Variants in PCDHA13 observed in about 807,000 individuals in gnomAD.
PCDHA13 encodes the protein protocadherin alpha 13.
PCDHA13 carries 54 observed loss-of-function variants against 64.8 expected under a neutral mutation model. The observed-to-expected ratio is 0.83, with a 90% CI of 0.67 to 1.04. PCDHA13 has a LOEUF of 1.04. Ranked by LOEUF, PCDHA13 falls within the 50% of genes least tolerant of loss-of-function variation. The pLI is 0.00. For missense variants in PCDHA13, 1,248 were observed against 1,254.3 expected, an observed-to-expected ratio of 0.99 and a Z score of 0.08; for synonymous variants, 587 against 564.4, an observed-to-expected ratio of 1.04 and a Z score of -0.57.
At chr5:140,941,553 G>T in intron 1 of PCDHA13, among the ~76,000 whole-genome samples, 1 of 151,656 alleles carries the variant, frequency 6.6e-6, no homozygotes, top group East Asian at 2.0e-4. Context: ...CTGACCTCGT[G>T]ATCCATTCGC....
intron 1 of PCDHA13, among the ~76,000 whole-genome samples, chr5:140,917,287 G>C (rs190210744): frequency 6.8e-6 from 1 of 147,568 alleles, no homozygotes; most frequent in Non-Finnish European, 1.5e-5. Context: ...ACGCTTTTCC[G>C]TGTGCAGATA....
At chr5:140,983,257 A>C (rs2097036264) in intron 3 of PCDHA13, among the ~76,000 whole-genome samples, 1 of 152,214 alleles carries the variant, frequency 6.6e-6, no homozygotes, top group Non-Finnish European at 1.5e-5. Context: ...GTTGTGTAAA[A>C]AACCTAATGG....
intron 1 of PCDHA13, among the ~76,000 whole-genome samples, chr5:140,919,229 C>T (rs1163633473): frequency 1.1e-4 from 17 of 152,144 alleles, no homozygotes; most frequent in African/African-American, 3.9e-4. Flanking sequence ...TTTCTAGTAA[C>T]ACTTTTTGTC....
intron 3 of PCDHA13, among the ~76,000 whole-genome samples, chr5:140,985,608 G>T (rs76669319): frequency 6.6e-6 from 1 of 152,052 alleles, no homozygotes; most frequent in Non-Finnish European, 1.5e-5. Context: ...AGCCCTTTCC[G>T]TGAACCAGCT....
At chr5:140,951,766 C>T (rs372624744) in intron 1 of PCDHA13, among the ~76,000 whole-genome samples, 78 of 152,240 alleles carry the variant, frequency 5.1e-4, no homozygotes, top group African/African-American at 1.6e-3. Context: ...AATCTCATGA[C>T]GTTCTTACAT....
intron 1 of PCDHA13, among the ~76,000 whole-genome samples, chr5:140,921,713 A>T (rs1247257514): frequency 2.0e-5 from 3 of 152,174 alleles, no homozygotes; most frequent in Non-Finnish European, 4.4e-5. Flanking sequence ...CAGTAAACAC[A>T]CGAATTACTC....
chr5:140,927,308 C>T (rs782694957), intron 1 of PCDHA13: 3 of 1,614,186 alleles, frequency 1.9e-6, no homozygotes, highest in Non-Finnish European at 2.5e-6. Flanking sequence ...TTCCTGACGC[C>T]CGGAGCCCGC....
chr5:140,946,162 A>C (rs2093896348), intron 1 of PCDHA13, among the ~76,000 whole-genome samples: 1 of 152,080 alleles, frequency 6.6e-6, no homozygotes, highest in Non-Finnish European at 1.5e-5. Context: ...GATTTAAAAG[A>C]TGGGTAAAGG....
chr5:140,938,148 A>G (rs563866654), intron 1 of PCDHA13, among the ~76,000 whole-genome samples: 1 of 152,284 alleles, frequency 6.6e-6, no homozygotes, highest in African/African-American at 2.4e-5. Context: ...GTCTCACTAC[A>G]TTGCCCAGGC....
chr5:140,914,095 C>T (rs1368870998), intron 1 of PCDHA13, among the ~76,000 whole-genome samples: 1 of 152,082 alleles, frequency 6.6e-6, no homozygotes, highest in Admixed American at 6.5e-5. Context: ...TCAATTTGTT[C>T]TATAGTGCAG....
Position 140,883,811 on chromosome 5 carries a change from G to A in PCDHA13, c.1543G>A (p.Gly515Ser). 6.2e-7 allele frequency: 1 copy of A among 1,612,586 alleles called. No individual in the cohort carries two copies. The highest frequency in any genetic ancestry group is 1.3e-5 in the African/African-American group (1 of 75,010). The change falls in exon 1 of 4, where the codon GGC becomes AGC. Residue 515 changes from glycine to serine, a missense_variant. By Grantham distance (56) the Gly-to-Ser change is moderately conservative (BLOSUM62 0). Coordinates refer to ENST00000289272, the MANE Select transcript of PCDHA13 (RefSeq NM_018904.3). Reference protein sequence around the residue: ...SSYVSVHAESGKVYALQPLDH... With the variant: ...SSYVSVHAESSKVYALQPLDH... ...CTACGTGTCGGTGCACGCGGAGAGC[G>A]GCAAGGTGTACGCGCTGCAGCCGTT...
At chr5:141,006,406 G>A (rs553100919) in intron 3 of PCDHA13, among the ~76,000 whole-genome samples, 1 of 152,050 alleles carries the variant, frequency 6.6e-6, no homozygotes, top group East Asian at 1.9e-4. Context: ...GTAGAGACGC[G>A]GTTTCACTGT....
chr5:140,975,126 A>G (rs1334807357), intron 1 of PCDHA13, among the ~76,000 whole-genome samples: 6 of 152,074 alleles, frequency 3.9e-5, no homozygotes, highest in Admixed American at 2.6e-4. Flanking sequence ...CCTACTTACT[A>G]TTGGCCTGGG....
chr5:141,003,151 C>T (rs1554258934), intron 3 of PCDHA13, among the ~76,000 whole-genome samples: 2 of 152,224 alleles, frequency 1.3e-5, no homozygotes, highest in African/African-American at 2.4e-5. Flanking sequence ...AGACTCTGAC[C>T]TGATCAATCC....
chr5:140,890,341 T>C (rs2062601372), intron 1 of PCDHA13, among the ~76,000 whole-genome samples: 1 of 152,190 alleles, frequency 6.6e-6, no homozygotes, highest in Non-Finnish European at 1.5e-5. Context: ...GTTGGGATGG[T>C]TTACTATATA....
At chr5:140,994,355 G>A (rs2097616615) in intron 3 of PCDHA13, among the ~76,000 whole-genome samples, 2 of 152,240 alleles carry the variant, frequency 1.3e-5, no homozygotes, top group South Asian at 4.1e-4. Flanking sequence ...TGGGACCTCA[G>A]AAGATGGAAT....
chr5:141,010,368 C>T lies in PCDHA13; in HGVS notation c.*431C>T, dbSNP rs368481822. ...GGTATGTGTGGCTACCGCGGGTATG[C>T]GAGTGCCAGATATTGGCTGAGACGA... On this transcript the variant is annotated 3_prime_UTR_variant, in exon 4 of 4. Coordinates refer to ENST00000289272, the MANE Select transcript of PCDHA13 (RefSeq NM_018904.3). The T allele has an allele frequency of 8.2e-6, 12 of 1,470,936 alleles. No homozygotes were observed. The East Asian group carries it at 1.7e-4, about 21-fold the overall frequency. 91.1% of individuals were successfully genotyped at this position (1,470,936 alleles called of 1,614,324 possible). A position where few individuals can be genotyped will look rare whatever the true frequency, so the allele number is the denominator to read the frequency against.
intron 1 of PCDHA13, among the ~76,000 whole-genome samples, chr5:140,953,275 C>G (rs1290645865): frequency 6.6e-6 from 1 of 152,074 alleles, no homozygotes; most frequent in African/African-American, 2.4e-5. Context: ...AGCCTTTGCT[C>G]TTTATATGTG....
chr5:140,934,580 T>C lies in PCDHA13; in HGVS notation c.2395-44369T>C, dbSNP rs531235009. 3.9e-5 allele frequency among the ~76,000 whole-genome samples: 6 copies of C among 152,296 alleles called. No individual in the cohort carries two copies. In the East Asian group the frequency reaches 1.2e-3, roughly 29 times the overall value. On this transcript the variant is annotated intron_variant, in intron 1 of 3. Transcript: ENST00000289272. ...CTTTTTTTTAATTAATTGTAACATT[T>C]CTGTAATGGGTCTTCAACTATTTGA...
Sources: allele counts gnomAD v4.1 joint callset (sites outside exome capture counted in the v4.1 genomes callset), GRCh38; gene constraint gnomAD v4.1.1; transcripts MANE v1.5; gene names NCBI Gene and HGNC (gene_info 2026-07-23, HGNC 2026-07-21).